The following LRRC74B variants were observed in gnomAD, a reference collection of about 807,000 sequenced individuals.
LRRC74B encodes the protein leucine-rich repeat-containing protein 74B.
A neutral mutation model predicts 16.6 loss-of-function variants in LRRC74B; 30 were observed. That is an observed-to-expected ratio of 1.80 (90% CI 1.35 to 2.45). The LOEUF is 2.45. Among genes scored for constraint, LRRC74B ranks in the 30% most tolerant of loss-of-function variants. LRRC74B has a pLI of 0.00. For synonymous variants in LRRC74B, 134 were observed against 86.0 expected (o/e 1.56, Z -3.09); for missense variants, 326 against 202.4 (o/e 1.61, Z -3.71).
In LRRC74B at chr22:21,053,484, C is replaced by A. The variant is rs1284349781; in HGVS notation, c.848+9C>A. On this transcript the variant is annotated intron_variant, in intron 6 of 8. Transcript: ENST00000442047. ...GAGGAACTCAACATGAGGTGAGGAT[C>A]CCCGGGGGGACACCCCAGGAATCAT... The A allele has an allele frequency of 2.8e-6, 2 of 715,782 alleles. No homozygotes were observed. Among genetic ancestry groups the A allele is most frequent in the South Asian group, 3.0e-5 (2 of 67,272 alleles). 44.3% of individuals were successfully genotyped at this position (715,782 alleles called of 1,614,324 possible). A position where few individuals can be genotyped will look rare whatever the true frequency, so the allele number is the denominator to read the frequency against.
At chr22:21,063,214 T>C (rs1056730746), downstream of LRRC74B, 3 of 152,016 alleles carry the variant, frequency 2.0e-5, no homozygotes, top group East Asian at 1.9e-4. Flanking sequence ...AAATAATTGT[T>C]CCAAAGTCTT....
At chr22:21,055,105 C>A (rs778473257) in exon 7 of LRRC74B, 1 of 717,154 alleles carries the variant, frequency 1.4e-6, no homozygotes, top group Admixed American at 2.0e-5. Flanking sequence ...CAGTAACAAC[C>A]GCATCTCTGC....
intron 3 of LRRC74B, chr22:21,048,660 G>A: frequency 2.3e-6 from 1 of 429,218 alleles, no homozygotes; most frequent in South Asian, 2.9e-5. Flanking sequence ...TGATATCACT[G>A]CCAGATGCAG....
At chr22:21,058,245 C>T (rs1294010369) in intron 8 of LRRC74B, among the ~76,000 whole-genome samples, 2 of 151,934 alleles carry the variant, frequency 1.3e-5, no homozygotes, top group Non-Finnish European at 2.9e-5. Flanking sequence ...TGAGATGGCT[C>T]ACACCTATAA....
At chr22:21,055,312 C>T in intron 7 of LRRC74B, 136 bp downstream of exon 7, 1 of 615,072 alleles carries the variant, frequency 1.6e-6, no homozygotes, top group Admixed American at 2.5e-5. Flanking sequence ...TGCCACTCAC[C>T]CTGAATCTGG....
chr22:21,046,219 GAACGT>G (rs1426099879), intron 1 of LRRC74B, 94 bp downstream of exon 1: 19 of 657,284 alleles, frequency 2.9e-5, no homozygotes, highest in Non-Finnish European at 4.7e-5. Flanking sequence ...GGCCAGCAGG[GAACGT>G]ACCCGCCTGC....
At chr22:21,058,541 A>T (rs1316802312) in intron 8 of LRRC74B, among the ~76,000 whole-genome samples, 1 of 152,176 alleles carries the variant, frequency 6.6e-6, no homozygotes, top group Non-Finnish European at 1.5e-5. Flanking sequence ...AACAAAAAAA[A>T]TTGAGTTACA....
chr22:21,047,843 AGCC>A, intron 2 of LRRC74B, 38 bp from the exon 3 acceptor site: 1 of 714,756 alleles, frequency 1.4e-6, no homozygotes, highest in Non-Finnish European at 2.6e-6. Flanking sequence ...CTGGAGCATG[AGCC>A]AGGATAGTGG....
intron 3 of LRRC74B, chr22:21,048,239 A>C: frequency 3.7e-6 from 2 of 534,508 alleles, no homozygotes; most frequent in Non-Finnish European, 6.8e-6. Context: ...CCACACCATC[A>C]CTCCCCTCCC....
chr22:21,061,267 C>T (rs1930792108), downstream of LRRC74B, among the ~76,000 whole-genome samples: 1 of 151,792 alleles, frequency 6.6e-6, no homozygotes, highest in Admixed American at 6.6e-5. Context: ...GTGGAGGCTG[C>T]AGTTCTCACC....
In LRRC74B at chr22:21,054,266, A is replaced by G. The variant is rs572037336; in HGVS notation, c.848+791A>G. On this transcript the variant is annotated intron_variant, in intron 6 of 8. Coordinates refer to ENST00000442047, the Ensembl canonical transcript of LRRC74B. ...GCTTGAGCCGAGGATTCAGGATTTC[A>G]GGCTGCATTGCAACAGAGCGAGTAA... Among the ~76,000 whole-genome samples the G allele has an allele frequency of 2.0e-5, 3 of 152,340 alleles. No individual in the cohort carries two copies. In the South Asian group the frequency reaches 6.2e-4, roughly 32 times the overall value.
At chr22:21,049,411 A>G (rs1486158650) in intron 4 of LRRC74B, 1 of 497,724 alleles carries the variant, frequency 2.0e-6, no homozygotes, top group Admixed American at 3.7e-5. Flanking sequence ...CTTGAACAAA[A>G]CCAAGTTCCT....
At chr22:21,055,205 C>G (rs912695761) in intron 7 of LRRC74B, 29 bp downstream of exon 7, 1 of 710,688 alleles carries the variant, frequency 1.4e-6, no homozygotes, top group Non-Finnish European at 2.6e-6. Flanking sequence ...ACTGAGACAC[C>G]AGCACAGACC....
At position 21,048,967 on chromosome 22, in the gene LRRC74B, G is replaced by A. The variant is rs548575108; in HGVS notation, c.432G>A (p.Glu144=). Residue 144 remains glutamate, a synonymous_variant, in exon 4 of 9, where the codon GAG becomes GAA. Transcript: ENST00000442047. ...GTCCCCCAGATGTGGACCTGTCGGA[G>A]AACCAGCTGGGAGTGGCAGGAGCCC... 7.0e-6 allele frequency: 5 copies of A among 716,298 alleles called. No individual in the cohort carries two copies. The East Asian group carries it at 1.1e-4, about 15-fold the overall frequency. The allele number at this position is 716,298 out of a possible 1,614,324, so 44.4% of individuals were successfully genotyped here.
At chr22:21,060,548 C>T (rs1930761927), downstream of LRRC74B, 2 of 692,510 alleles carry the variant, frequency 2.9e-6, no homozygotes, top group Non-Finnish European at 5.4e-6. Flanking sequence ...GTGGCTTCCT[C>T]ATCTCCAATC....
At chr22:21,052,785 C>A (rs372652020) in intron 5 of LRRC74B, among the ~76,000 whole-genome samples, 6 of 152,206 alleles carry the variant, frequency 3.9e-5, no homozygotes, top group African/African-American at 1.4e-4. Context: ...GTGGCTCAAG[C>A]TGGTGCTAGG....
chr22:21,057,063 C>T, intron 7 of LRRC74B, 42 bp from the exon 8 acceptor site: 2 of 716,046 alleles, frequency 2.8e-6, no homozygotes, highest in East Asian at 5.4e-5. Flanking sequence ...CTCTGGCCTT[C>T]CCGGACCTGG....
At chr22:21,047,960 G>A (rs1463501642) in exon 3 of LRRC74B, 2 of 717,420 alleles carry the variant, frequency 2.8e-6, no homozygotes, top group Admixed American at 2.0e-5. Context: ...AATGGGCTCT[G>A]TGGGGCAGGT....
chr22:21,057,493 C>T (rs1177292060), intron 8 of LRRC74B, among the ~76,000 whole-genome samples: 3 of 151,008 alleles, frequency 2.0e-5, no homozygotes, highest in African/African-American at 7.3e-5. Context: ...ACTGAGGTTT[C>T]GATCTGCAGG....
Sources: allele counts gnomAD v4.1 joint callset (sites outside exome capture counted in the v4.1 genomes callset), GRCh38; gene constraint gnomAD v4.1.1; transcripts MANE v1.5; gene names NCBI Gene and HGNC (gene_info 2026-07-23, HGNC 2026-07-21).